Variants in NRG3 observed in about 807,000 individuals in gnomAD.
The protein encoded by NRG3 is pro-neuregulin-3, membrane-bound isoform.
In NRG3, 31 loss-of-function variants were observed where a neutral mutation model predicts 66.9. The ratio of observed to expected loss-of-function variants is 0.46; its 90% CI spans 0.35 to 0.63. NRG3 has a LOEUF of 0.63. NRG3 is among the 20% of genes least tolerant of loss of function. NRG3 has a pLI of 0.00. For missense variants in NRG3, 910 were observed against 878.9 expected (o/e 1.04, Z -0.45); for synonymous variants, 393 against 359.4 (o/e 1.09, Z -1.06).
intron 3 of NRG3, among the ~76,000 whole-genome samples, chr10:82,765,888 T>C (rs1484996836): frequency 6.6e-6 from 1 of 152,208 alleles, no homozygotes; most frequent in East Asian, 1.9e-4. Context: ...ACATAGCAAG[T>C]CATCTCTAAG....
chr10:82,130,385 A>G (rs1387730320), intron 1 of NRG3, among the ~76,000 whole-genome samples: 1 of 150,922 alleles, frequency 6.6e-6, no homozygotes, highest in Admixed American at 6.6e-5. Flanking sequence ...CTCTCCCCCA[A>G]CCCCACAACA....
At chr10:82,881,475 C>G (rs966343683) in intron 4 of NRG3, among the ~76,000 whole-genome samples, 1 of 152,146 alleles carries the variant, frequency 6.6e-6, no homozygotes, top group Non-Finnish European at 1.5e-5. Flanking sequence ...AATATGGGGC[C>G]TTTTGTTCCT....
chr10:82,502,448 T>G (rs1239806307), intron 2 of NRG3, among the ~76,000 whole-genome samples: 1 of 152,232 alleles, frequency 6.6e-6, no homozygotes, highest in African/African-American at 2.4e-5. Flanking sequence ...AGTACTTTCC[T>G]TCTTCTCATA....
chr10:81,913,313 G>T (rs561042661), intron 1 of NRG3, among the ~76,000 whole-genome samples: 1 of 152,224 alleles, frequency 6.6e-6, no homozygotes. Flanking sequence ...ATTGACCAGC[G>T]TCCTCATGCA....
At chr10:82,494,746 C>A (rs920029883) in intron 2 of NRG3, among the ~76,000 whole-genome samples, 2 of 152,054 alleles carry the variant, frequency 1.3e-5, no homozygotes, top group African/African-American at 4.8e-5. Flanking sequence ...TGTTAATAAT[C>A]AGTGTGTATG....
intron 2 of NRG3, among the ~76,000 whole-genome samples, chr10:82,371,462 T>C (rs1329117036): frequency 6.6e-6 from 1 of 152,190 alleles, no homozygotes; most frequent in African/African-American, 2.4e-5. Context: ...TTATTAAGCA[T>C]TTTCAATGTT....
chr10:81,982,490 C>T (rs1167540280), intron 1 of NRG3, among the ~76,000 whole-genome samples: 1 of 152,154 alleles, frequency 6.6e-6, no homozygotes. Flanking sequence ...CATCGTGGTA[C>T]CAAAATCTGT....
chr10:82,927,517 T>C (rs914952431), intron 4 of NRG3, among the ~76,000 whole-genome samples: 2 of 151,910 alleles, frequency 1.3e-5, no homozygotes, highest in East Asian at 1.9e-4. Flanking sequence ...TGACAGGCCC[T>C]GGTGTGTGAT....
chr10:81,990,002 T>A (rs1489043134), intron 1 of NRG3, among the ~76,000 whole-genome samples: 1 of 152,098 alleles, frequency 6.6e-6, no homozygotes, highest in Non-Finnish European at 1.5e-5. Flanking sequence ...ATATTATAGA[T>A]CATGTATGAA....
intron 2 of NRG3, among the ~76,000 whole-genome samples, chr10:82,653,163 T>C (rs1230012527): frequency 1.3e-5 from 2 of 152,226 alleles, no homozygotes; most frequent in African/African-American, 4.8e-5. Context: ...TTCATACCTC[T>C]TGGCAGAAAG....
intron 4 of NRG3, among the ~76,000 whole-genome samples, chr10:82,941,564 A>G (rs1848576271): frequency 6.6e-6 from 1 of 152,218 alleles, no homozygotes; most frequent in African/African-American, 2.4e-5. Flanking sequence ...ACAATAATTA[A>G]TGCTGGATTA....
At chr10:82,383,794 T>C (rs1261538221) in intron 2 of NRG3, among the ~76,000 whole-genome samples, 1 of 151,940 alleles carries the variant, frequency 6.6e-6, no homozygotes, top group African/African-American at 2.4e-5. Context: ...GAGGAAGAAT[T>C]TTCACAATGG....
intron 1 of NRG3, among the ~76,000 whole-genome samples, chr10:81,904,073 G>C (rs923247158): frequency 2.6e-5 from 4 of 151,300 alleles, no homozygotes; most frequent in Non-Finnish European, 5.9e-5. Flanking sequence ...GCAATGATGC[G>C]ATCTCAGCTC....
intron 1 of NRG3, among the ~76,000 whole-genome samples, chr10:82,118,366 A>G (rs7083421): frequency 1.3e-5 from 2 of 152,000 alleles, no homozygotes; most frequent in Admixed American, 1.3e-4. Flanking sequence ...TGATTTTTGT[A>G]TAAGTAAGAG....
chr10:82,807,371 T>C (rs1419504159), intron 3 of NRG3, among the ~76,000 whole-genome samples: 1 of 152,326 alleles, frequency 6.6e-6, no homozygotes, highest in Admixed American at 6.5e-5. Context: ...CTGACAGTCA[T>C]GAATACCTAC....
rs76263709 is a variant in NRG3 at position 82,763,452 on chromosome 10, G to C, written c.1027+24802G>C. Reference sequence around the variant, plus strand: ...ATATCAAAATAGCAATAGAATTATAGAGGAATTCCTCTTAAATTTAAAACA... The same window carrying C: ...ATATCAAAATAGCAATAGAATTATACAGGAATTCCTCTTAAATTTAAAACA... On this transcript the variant is annotated intron_variant, in intron 3 of 8. Transcript: ENST00000372141. 6.0e-3 allele frequency among the ~76,000 whole-genome samples: 910 copies of C among 152,126 alleles called. 12 individuals are homozygous for C. Among genetic ancestry groups the C allele is most frequent in the African/African-American group, 0.02 (838 of 41,526 alleles).
chr10:82,579,434 T>C (rs1196021398), intron 2 of NRG3, among the ~76,000 whole-genome samples: 1 of 152,002 alleles, frequency 6.6e-6, no homozygotes, highest in Non-Finnish European at 1.5e-5. Context: ...TTCAATTCCT[T>C]CTTTCTAATG....
intron 1 of NRG3, among the ~76,000 whole-genome samples, chr10:82,256,978 A>G (rs1007426899): frequency 6.6e-6 from 1 of 152,166 alleles, no homozygotes; most frequent in Non-Finnish European, 1.5e-5. Flanking sequence ...TATTTTTCTC[A>G]GTTGACAATG....
At chr10:82,080,056 C>T (rs190963980) in intron 1 of NRG3, among the ~76,000 whole-genome samples, 12 of 151,982 alleles carry the variant, frequency 7.9e-5, no homozygotes, top group South Asian at 2.1e-4. Context: ...CAGTCAGTAC[C>T]GGGAGGTCTG....
Sources: allele counts gnomAD v4.1 joint callset (sites outside exome capture counted in the v4.1 genomes callset), GRCh38; gene constraint gnomAD v4.1.1; transcripts MANE v1.5; gene names NCBI Gene and HGNC (gene_info 2026-07-23, HGNC 2026-07-21).